The following EHHADH variants were observed in gnomAD, a reference collection of about 807,000 sequenced individuals.
EHHADH encodes the protein peroxisomal bifunctional enzyme.
In EHHADH, 48 loss-of-function variants were observed where a neutral mutation model predicts 64.4. That is an observed-to-expected ratio of 0.75 (90% CI 0.59 to 0.95). EHHADH has a LOEUF of 0.95. Among genes scored for constraint, EHHADH ranks in the 40% least tolerant of loss-of-function variants. The pLI is 0.00. For synonymous variants in EHHADH, 308 were observed against 326.7 expected (o/e 0.94, Z 0.62); for missense variants, 854 against 876.6 (o/e 0.97, Z 0.33).
intron 4 of EHHADH, among the ~76,000 whole-genome samples, chr3:185,228,257 A>AAAATATAT (rs1367786172): frequency 2.1e-3 from 46 of 21,994 alleles, no homozygotes; most frequent in Non-Finnish European, 3.7e-3. Flanking sequence ...AAAAAAAAAA[A>AAAATATAT]ATATATATAT....
At chr3:185,219,119 A>G (rs1308910277) in intron 4 of EHHADH, among the ~76,000 whole-genome samples, 1 of 152,258 alleles carries the variant, frequency 6.6e-6, no homozygotes, top group Non-Finnish European at 1.5e-5. Context: ...TTAAGTTGAC[A>G]TTCTATAAGG....
intron 1 of EHHADH, 122 bp from the exon 2 acceptor site, chr3:185,248,639 C>T: frequency 3.1e-6 from 2 of 647,890 alleles, no homozygotes; most frequent in Non-Finnish European, 5.3e-6. Flanking sequence ...ACTGTAGATA[C>T]TTCTCAATAA....
chr3:185,211,453 CCTT>C (rs879495982), intron 5 of EHHADH, among the ~76,000 whole-genome samples: 19 of 152,110 alleles, frequency 1.2e-4, no homozygotes, highest in Admixed American at 9.2e-4. Flanking sequence ...GATTATTTTC[CCTT>C]CTTCTTCTGC....
chr3:185,231,879 C>T (rs927058174), intron 3 of EHHADH, among the ~76,000 whole-genome samples: 4 of 152,092 alleles, frequency 2.6e-5, no homozygotes, highest in Non-Finnish European at 5.9e-5. Flanking sequence ...ATAATGGTTG[C>T]ACAACTCTGA....
intron 5 of EHHADH, among the ~76,000 whole-genome samples, chr3:185,206,447 A>C (rs1390904378): frequency 6.6e-6 from 1 of 152,208 alleles, no homozygotes; most frequent in Non-Finnish European, 1.5e-5. Context: ...CTTAGATACA[A>C]CACCAAAAGC....
chr3:185,248,382 G>C (rs1719653214), intron 2 of EHHADH, 32 bp downstream of exon 2: 1 of 1,471,864 alleles, frequency 6.8e-7, no homozygotes, highest in Non-Finnish European at 9.5e-7. Flanking sequence ...CTGGATTCCA[G>C]AGATGGTGGG....
intron 6 of EHHADH, among the ~76,000 whole-genome samples, chr3:185,203,090 A>G (rs1406527218): frequency 1.3e-5 from 2 of 151,924 alleles, no homozygotes; most frequent in African/African-American, 2.4e-5. Flanking sequence ...AAAAAAAAAG[A>G]AAAAAGAAAG....
intron 4 of EHHADH, among the ~76,000 whole-genome samples, chr3:185,224,584 C>G (rs139623936): frequency 1.3e-5 from 2 of 151,238 alleles, no homozygotes; most frequent in Non-Finnish European, 2.9e-5. Context: ...TTACTAATAG[C>G]TTTTGTATTA....
intron 4 of EHHADH, among the ~76,000 whole-genome samples, chr3:185,224,683 T>TA (rs1718926782): frequency 6.6e-6 from 1 of 152,182 alleles, no homozygotes; most frequent in African/African-American, 2.4e-5. Flanking sequence ...GTCAAAAGTC[T>TA]AAAACAGGTC....
chr3:185,240,426 A>T (rs1719418088), intron 2 of EHHADH, among the ~76,000 whole-genome samples: 1 of 151,410 alleles, frequency 6.6e-6, no homozygotes, highest in Non-Finnish European at 1.5e-5. Flanking sequence ...AAAATTTTTT[A>T]TTACTGATTC....
intron 5 of EHHADH, among the ~76,000 whole-genome samples, chr3:185,210,312 T>G (rs1230809621): frequency 1.3e-5 from 2 of 152,140 alleles, no homozygotes; most frequent in African/African-American, 2.4e-5. Flanking sequence ...AACTGCTGAA[T>G]TTTTTAAGAG....
intron 3 of EHHADH, among the ~76,000 whole-genome samples, chr3:185,233,641 G>GT (rs896681146): frequency 2.6e-5 from 4 of 151,898 alleles, no homozygotes; most frequent in Middle Eastern, 3.4e-3. Context: ...CCCAAATGTG[G>GT]TTTTTTTTGT....
chr3:185,199,169 G>C (rs1385301135), intron 6 of EHHADH, among the ~76,000 whole-genome samples: 3 of 152,182 alleles, frequency 2.0e-5, no homozygotes, highest in Non-Finnish European at 4.4e-5. Flanking sequence ...AACTGAGGAA[G>C]TTGAACCATC....
rs766701520 is a variant in EHHADH at position 185,204,404 on chromosome 3, C to A, written c.910+12G>T. 3 of 1,586,938 alleles carry A rather than the reference C, an allele frequency of 1.9e-6. No homozygotes were observed. Among genetic ancestry groups the A allele is most frequent in the South Asian group, 2.3e-5 (2 of 87,372 alleles). On this transcript the variant is annotated intron_variant, in intron 6 of 6. Transcript: ENST00000231887. ...GATTTGGAGGATTCCATTCATTACC[C>A]CATGGTCTTACCAACAACACCAACT...
intron 5 of EHHADH, among the ~76,000 whole-genome samples, chr3:185,214,879 T>A (rs1308359261): frequency 6.6e-6 from 1 of 152,252 alleles, no homozygotes; most frequent in South Asian, 2.1e-4. Flanking sequence ...TATTACTGTA[T>A]ACAAATCTTT....
intron 4 of EHHADH, among the ~76,000 whole-genome samples, chr3:185,222,508 A>G (rs1484657343): frequency 6.6e-6 from 1 of 152,270 alleles, no homozygotes. Flanking sequence ...AATTATATAA[A>G]AAATTTAAAA....
intron 3 of EHHADH, among the ~76,000 whole-genome samples, chr3:185,232,662 G>A (rs1335526029): frequency 6.6e-6 from 1 of 152,126 alleles, no homozygotes; most frequent in Non-Finnish European, 1.5e-5. Flanking sequence ...TGGTCAGGCT[G>A]GTCTTGAACT....
At chr3:185,251,914 T>G (rs990367787) in intron 1 of EHHADH, among the ~76,000 whole-genome samples, 3 of 152,158 alleles carry the variant, frequency 2.0e-5, no homozygotes, top group African/African-American at 7.2e-5. Context: ...GGCCTGTTTT[T>G]GGGGCTTGAA....
At chr3:185,221,231 A>T (rs182641664) in intron 4 of EHHADH, among the ~76,000 whole-genome samples, 1 of 152,012 alleles carries the variant, frequency 6.6e-6, no homozygotes, top group African/African-American at 2.4e-5. Context: ...AAATTTACAG[A>T]CTCATTTTAC....
Sources: gnomAD v4.1 joint callset for allele counts (sites outside exome capture counted in the v4.1 genomes callset) on GRCh38, gnomAD v4.1.1 for gene constraint, MANE v1.5 for transcripts, NCBI Gene and HGNC (gene_info 2026-07-23, HGNC 2026-07-21) for gene names.